ALOX12: variants seen among roughly 807,000 people sequenced by gnomAD.
ALOX12 encodes polyunsaturated fatty acid lipoxygenase ALOX12.
ALOX12 carries 62 observed loss-of-function variants against 85.5 expected under a neutral mutation model. The ratio of observed to expected loss-of-function variants is 0.73; its 90% confidence interval spans 0.59 to 0.90. The LOEUF is 0.90. ALOX12 is among the 40% of genes least tolerant of loss of function. The probability of loss-of-function intolerance (pLI) is 0.00; values close to 1 mark genes in which losing one functional copy is unlikely to be tolerated. For missense variants in ALOX12, 751 were observed against 856.5 expected (o/e 0.88, Z 1.54); for synonymous variants, 299 against 332.7 (o/e 0.90, Z 1.10).
chr17:7,008,317 G>A (rs1251137020), intron 11 of ALOX12, among the ~76,000 whole-genome samples: 1 of 152,138 alleles, frequency 6.6e-6, no homozygotes, highest in Non-Finnish European at 1.5e-5. Flanking sequence ...ACATTTTAGA[G>A]GCTAAAATTA....
intron 13 of ALOX12, 38 bp downstream of exon 13, chr17:7,010,164 G>A: frequency 6.3e-7 from 1 of 1,599,634 alleles, no homozygotes; most frequent in South Asian, 1.1e-5. Context: ...ATGACAGTTG[G>A]AAAGGAAACA....
rs770718300 is a variant in ALOX12 at position 7,006,006 on chromosome 17, G to A, written c.1397G>A (p.Arg466Gln). ...GCTCTCTATGCCCATGATGCTTTAC[G>A]GCTCTGGGAGATCATTGCCAGGTGA... is the stretch of plus-strand genomic sequence containing the variant. ...PGALYAHDAL[R>Q]LWEIIARYVE... The change falls in exon 10 of 14, where the codon CGG (arginine) becomes CAG (glutamine). Residue 466 changes from arginine to glutamine, a missense_variant. Transcript: ENST00000251535. 1.3e-5 allele frequency: 20 copies of A among 1,566,820 alleles called. No homozygotes were observed. The Admixed American group carries it at 2.8e-4, about 22-fold the overall frequency.
rs2070590 is a variant in ALOX12, at chr17:6,997,125, T to G, written c.337+98T>G. 0.58 allele frequency: 838,997 copies of G among 1,442,712 alleles called. 245,361 individuals carry two copies. The highest frequency in any genetic ancestry group is 0.68 in the Admixed American group (26,463 of 39,114). The allele number at this position is 1,442,712 out of a possible 1,614,324, so 89.4% of individuals were successfully genotyped here. Reference sequence around the variant, plus strand: ...GGACGGTCGGAGCAGACTTAGAGGATGTATGGGCCCAGGGCAGGTGAAATG... The same window carrying G: ...GGACGGTCGGAGCAGACTTAGAGGAGGTATGGGCCCAGGGCAGGTGAAATG... On this transcript the variant is annotated intron_variant, in intron 2 of 13. Coordinates refer to ENST00000251535, the MANE Select transcript of ALOX12 (RefSeq NM_000697.3).
rs756447385 is a variant in ALOX12 at position 7,010,031 on chromosome 17, A to G, written c.1717A>G (p.Thr573Ala). 3 of 1,614,186 alleles carry G rather than the reference A, an allele frequency of 1.9e-6. No homozygotes were observed. In the Admixed American group the frequency reaches 5.0e-5, roughly 27 times the overall value. ...CCCACCCACCACCAAGGAAGATGTG[A>G]CGATGGCCACAGTGATGGGGTCACT... is the stretch of plus-strand genomic sequence containing the variant. The part of the protein sequence containing the change: ...MPPPTTKEDV[T>A]MATVMGSLPD... Residue 573 changes from threonine (T) to alanine (A), a missense_variant, in exon 13 of 14, where the codon ACG becomes GCG. By Grantham distance (58) the Thr-to-Ala change is moderately conservative. Coordinates refer to ENST00000251535, the MANE Select transcript of ALOX12 (RefSeq NM_000697.3).
At chr17:6,996,604 C>A (rs902941585) in intron 1 of ALOX12, among the ~76,000 whole-genome samples, 2 of 152,248 alleles carry the variant, frequency 1.3e-5, no homozygotes, top group Admixed American at 1.3e-4. Context: ...CCCACGTGGG[C>A]GATGCTGCTC....
Position 6,999,012 on chromosome 17 carries a change from A to G in ALOX12, c.602A>G (p.Glu201Gly). The G allele has an allele frequency of 6.2e-7, 1 of 1,614,030 alleles. No individual in the cohort carries two copies. The highest frequency in any genetic ancestry group is 1.1e-5 in the South Asian group (1 of 91,068). The change falls in exon 5 of 14, where the codon GAA becomes GGA. Residue 201 changes from glutamate to glycine, a missense_variant. Coordinates refer to ENST00000251535, the MANE Select transcript of ALOX12 (RefSeq NM_000697.3). ...CTCCTGAGCTCCTGGAACTGCCTAGAAGACTTTGATCAGATCTTCTGGGGC... is the reference window on the plus strand; with the variant it reads ...CTCCTGAGCTCCTGGAACTGCCTAGGAGACTTTGATCAGATCTTCTGGGGC... ...YTLLSSWNCL[E>G]DFDQIFWGQK...
rs1597848540 is a variant in ALOX12, at chr17:6,996,698, C to T, written c.136-128C>T. Reference sequence around the variant, plus strand: ...ACCCAAAGAGCAGGTTGTGCGGGGGCGGGAACGAGGCGATGCTGTCTTTGG... The same window carrying T: ...ACCCAAAGAGCAGGTTGTGCGGGGGTGGGAACGAGGCGATGCTGTCTTTGG... On this transcript the variant is annotated intron_variant, in intron 1 of 13. Transcript: ENST00000251535. The T allele has an allele frequency of 1.1e-5, 13 of 1,185,736 alleles. No homozygotes were observed. The East Asian group carries it at 2.3e-4, about 21-fold the overall frequency. 73.5% of individuals were successfully genotyped at this position (1,185,736 alleles called of 1,614,324 possible). A position where few individuals can be genotyped will look rare whatever the true frequency, so the allele number is the denominator to read the frequency against.
chr17:7,003,963 T>C (rs1264934318), intron 8 of ALOX12, among the ~76,000 whole-genome samples: 2 of 151,894 alleles, frequency 1.3e-5, no homozygotes, highest in African/African-American at 4.8e-5. Context: ...ATGTTAACTA[T>C]GTGGAAAGGA....
In ALOX12 at chr17:7,000,328, G is replaced by A; in HGVS notation, c.808-8G>A. ...CTCTAAAAATGGATACATCCCTCCT[G>A]TCCCCAGAATGGTTCCCTGTTTGAA... On this transcript the variant is annotated splice_region_variant and splice_polypyrimidine_tract_variant and intron_variant, in intron 6 of 13. Transcript: ENST00000251535. The surrounding 1 kb of genome is among the most constrained non-coding windows in gnomAD (Gnocchi z 4.6). 1 of 1,613,994 alleles carries A rather than the reference G, an allele frequency of 6.2e-7. No individual in the cohort carries two copies. The highest frequency in any genetic ancestry group is 1.7e-4 in the Middle Eastern group (1 of 6,042).
chr17:7,002,088 T>C (rs895426845), intron 8 of ALOX12: 2 of 451,848 alleles, frequency 4.4e-6, no homozygotes, highest in African/African-American at 2.0e-5. Flanking sequence ...GCCATATTCC[T>C]ACCTTAGATC....
At position 7,001,631 on chromosome 17, in the gene ALOX12, C is replaced by T; in HGVS notation, c.981C>T (p.Thr327=). The change falls in exon 8 of 14, where the codon ACC becomes ACT. Residue 327 remains threonine, a synonymous_variant. Transcript: ENST00000251535. ...AGCCTCCCAACCCCAGCTCTCCAAC[C>T]CCAACACTGTTCCTGCCCTCAGACC... The part of the protein sequence containing the change: ...QIQPPNPSSP[T]PTLFLPSDPP... 2 of 1,614,184 alleles carry T rather than the reference C, an allele frequency of 1.2e-6. No homozygotes were observed. The highest frequency in any genetic ancestry group is 1.7e-6 in the Non-Finnish European group (2 of 1,180,036).
chr17:6,997,414 C>T (rs556807306), intron 2 of ALOX12, among the ~76,000 whole-genome samples: 1 of 151,868 alleles, frequency 6.6e-6, no homozygotes, highest in South Asian at 2.1e-4. Flanking sequence ...GTGGGTGACC[C>T]GTGAGAGCAG....
At chr17:7,008,777 G>GC (rs1909222973) in intron 11 of ALOX12, among the ~76,000 whole-genome samples, 1 of 151,954 alleles carries the variant, frequency 6.6e-6, no homozygotes, top group South Asian at 2.1e-4. Flanking sequence ...GGGTCTCTGA[G>GC]CCCCCATATC....
rs1379313179 is a variant in ALOX12 at position 6,996,850 on chromosome 17, G to A, written c.160G>A (p.Ala54Thr). The A allele has an allele frequency of 6.2e-7, 1 of 1,613,816 alleles. No individual in the cohort carries two copies. The highest frequency in any genetic ancestry group is 8.5e-7 in the Non-Finnish European group (1 of 1,179,710). Residue 54 changes from alanine to threonine, a missense_variant, in exon 2 of 14, where the codon GCA (alanine) becomes ACA (threonine). By Grantham distance (58) the Ala-to-Thr change is moderately conservative (BLOSUM62 0). Coordinates refer to ENST00000251535, the MANE Select transcript of ALOX12 (RefSeq NM_000697.3). Reference protein sequence around the residue: ...GEEEEFDHDVAEDLGLLQFVR... With the variant: ...GEEEEFDHDVTEDLGLLQFVR... The stretch of plus-strand genomic sequence containing the variant: ...GGAGGAGGAGTTTGATCATGACGTT[G>A]CAGAGGACTTGGGGCTCCTGCAGTT...
intron 8 of ALOX12, among the ~76,000 whole-genome samples, chr17:7,004,233 A>G (rs1201371647): frequency 8.4e-6 from 1 of 119,132 alleles, no homozygotes; most frequent in Non-Finnish European, 1.8e-5. Flanking sequence ...TTAATTTAAT[A>G]TTAATTTAAC....
At position 7,006,579 on chromosome 17, in the gene ALOX12, G is replaced by T. The variant is rs779295000; in HGVS notation, c.1512G>T (p.Glu504Asp). 6.2e-7 allele frequency: 1 copy of T among 1,611,832 alleles called. No individual in the cohort carries two copies. Among genetic ancestry groups the T allele is most frequent in the South Asian group, 1.1e-5 (1 of 90,946 alleles). ...ELQAWCREIT[E>D]VGLCQAQDRG... ...AGGCCTGGTGTCGGGAGATCACGGA[G>T]GTGGGGCTGTGCCAGGCCCAGGACC... is the stretch of plus-strand genomic sequence containing the variant. The change falls in exon 11 of 14, where the codon GAG (glutamate) becomes GAT (aspartate). Residue 504 changes from glutamate to aspartate, a missense_variant. Coordinates refer to ENST00000251535, the MANE Select transcript of ALOX12 (RefSeq NM_000697.3).
At chr17:7,005,233 G>A (rs199837493) in intron 8 of ALOX12, 24 bp from the exon 9 acceptor site, 32 of 1,601,382 alleles carry the variant, frequency 2.0e-5, no homozygotes, top group East Asian at 1.1e-4. Flanking sequence ...CACCAGTCAC[G>A]CCCTCCAATC....
chr17:6,997,000 G>A lies in ALOX12; in HGVS notation c.310G>A (p.Asp104Asn). Residue 104 changes from aspartate to asparagine, a missense_variant, in exon 2 of 14, where the codon GAC (aspartate) becomes AAC (asparagine). Physicochemically the swap from Asp to Asn is conservative, Grantham distance 23. Coordinates refer to ENST00000251535, the MANE Select transcript of ALOX12 (RefSeq NM_000697.3). Reference protein sequence around the residue: ...FPCYRWVQGEDILSLPEGTAR... With the variant: ...FPCYRWVQGENILSLPEGTAR... ...GTGCTACCGCTGGGTGCAGGGCGAG[G>A]ACATCCTGAGCCTGCCCGAGGGCAC... 1 of 1,555,812 alleles carries A rather than the reference G, an allele frequency of 6.4e-7. No homozygotes were observed.
intron 2 of ALOX12, among the ~76,000 whole-genome samples, chr17:6,997,673 T>C (rs2151638598): frequency 6.6e-6 from 1 of 151,104 alleles, no homozygotes; most frequent in East Asian, 2.0e-4. Context: ...TTCTCCTGCC[T>C]CAGCCTCCCG....
Sources: gnomAD v4.1 joint callset for allele counts (sites outside exome capture counted in the v4.1 genomes callset) on GRCh38, gnomAD v4.1.1 for gene constraint, Gnocchi (gnomAD v3.1) non-coding constraint, MANE v1.5 for transcripts, NCBI Gene and HGNC (gene_info 2026-07-23, HGNC 2026-07-21) for gene names.